Variants in JAKMIP3 observed in about 807,000 individuals in gnomAD.
The protein encoded by JAKMIP3 is Janus kinase and microtubule interacting protein 3.
In JAKMIP3, 58 loss-of-function variants were observed where a neutral mutation model predicts 118.5. That is an observed-to-expected ratio of 0.49 (90% CI 0.40 to 0.61). The LOEUF is 0.61. Ranked by LOEUF, JAKMIP3 falls within the 20% of genes least tolerant of loss-of-function variation. JAKMIP3 has a pLI of 0.00. For missense variants in JAKMIP3, 950 were observed against 1,109.0 expected, an observed-to-expected ratio of 0.86 and a Z score of 2.04; for synonymous variants, 486 against 451.2, an observed-to-expected ratio of 1.08 and a Z score of -0.98.
intron 19 of JAKMIP3, among the ~76,000 whole-genome samples, chr10:132,157,225 G>C (rs10159650): frequency 6.6e-6 from 1 of 152,094 alleles, no homozygotes; most frequent in African/African-American, 2.4e-5. Flanking sequence ...TCTGAAGTGC[G>C]GGGTGTAACC....
At chr10:132,163,923 G>A (rs1460681297) in intron 20 of JAKMIP3, among the ~76,000 whole-genome samples, 1 of 152,228 alleles carries the variant, frequency 6.6e-6, no homozygotes, top group Non-Finnish European at 1.5e-5. Flanking sequence ...CAGGCCTGTT[G>A]GGTCAGTTCT....
chr10:132,180,314 G>T (rs1046744314), intron 23 of JAKMIP3, among the ~76,000 whole-genome samples: 2 of 151,140 alleles, frequency 1.3e-5, no homozygotes, highest in Non-Finnish European at 2.9e-5. Flanking sequence ...GAGCCACAGA[G>T]ACCAAGGCCA....
At chr10:132,097,552 G>T (rs995393112) in intron 1 of JAKMIP3, among the ~76,000 whole-genome samples, 6 of 152,130 alleles carry the variant, frequency 3.9e-5, no homozygotes, top group Non-Finnish European at 7.3e-5. Context: ...GAGGGGGCAG[G>T]GTAGGAGGGA....
intron 2 of JAKMIP3, among the ~76,000 whole-genome samples, chr10:132,116,298 A>G (rs957079619): frequency 1.3e-5 from 2 of 152,224 alleles, no homozygotes; most frequent in Non-Finnish European, 2.9e-5. Flanking sequence ...TTTCAAAAAA[A>G]TCTTCCCCAA....
chr10:132,155,055 G>T (rs918668659), intron 19 of JAKMIP3, among the ~76,000 whole-genome samples: 1 of 120,508 alleles, frequency 8.3e-6, no homozygotes, highest in African/African-American at 2.6e-5. Context: ...TGATGACATG[G>T]TGGTAGTAGT....
At chr10:132,103,556 G>A (rs544101647) in intron 1 of JAKMIP3, among the ~76,000 whole-genome samples, 1 of 151,934 alleles carries the variant, frequency 6.6e-6, no homozygotes, top group South Asian at 2.1e-4. Context: ...GAGGTGCCTG[G>A]CAGCACAGAA....
At chr10:132,091,964 C>A (rs1273567893) in intron 1 of JAKMIP3, among the ~76,000 whole-genome samples, 1 of 152,116 alleles carries the variant, frequency 6.6e-6, no homozygotes, top group Non-Finnish European at 1.5e-5. Flanking sequence ...TAGGGCAGGC[C>A]TGGTGGTGAC....
At chr10:132,143,196 A>AT (rs147736300) in intron 11 of JAKMIP3, among the ~76,000 whole-genome samples, 3,364 of 151,430 alleles carry the variant, frequency 0.022, 129 homozygotes, top group African/African-American at 0.077. Flanking sequence ...GCTCGGAGAG[A>AT]TTTGTCTCCG....
intron 8 of JAKMIP3, among the ~76,000 whole-genome samples, chr10:132,137,894 A>G (rs78296268): frequency 6.6e-6 from 1 of 152,170 alleles, no homozygotes; most frequent in Non-Finnish European, 1.5e-5. Flanking sequence ...GAGCAAGACA[A>G]GCTCAGAGCC....
rs913059858 is a variant in JAKMIP3, at chr10:132,154,061, C to G, written c.2220+71C>G. On this transcript the variant is annotated intron_variant, in intron 19 of 23. Coordinates refer to ENST00000684848, the MANE Select transcript of JAKMIP3 (RefSeq NM_001323087.2). ...TGAAACGGCCACGTGGCTCAGGTGC[C>G]CAGCAGTGCCTCAGGTGCCCATGTG... The G allele has an allele frequency of 2.4e-5, 34 of 1,403,026 alleles. No individual in the cohort carries two copies. The East Asian group carries it at 7.3e-4, about 30-fold the overall frequency. The allele number at this position is 1,403,026 out of a possible 1,614,324, so 86.9% of individuals were successfully genotyped here.
Position 132,145,156 on chromosome 10 carries a change from A to G in JAKMIP3, c.1652A>G (p.Glu551Gly), listed in dbSNP as rs750436324. 1.9e-5 allele frequency: 31 copies of G among 1,612,178 alleles called. No homozygotes were observed. Among genetic ancestry groups the G allele is most frequent in the Non-Finnish European group, 1.9e-5 (23 of 1,179,682 alleles). Residue 551 changes from glutamate (E) to glycine (G), a missense_variant, in exon 12 of 24, where the codon GAG becomes GGG. Transcript: ENST00000684848. ...AEVQRAQARI[E>G]DLEKALAEQG... ...GTGCAGAGGGCACAGGCGCGGATAG[A>G]GGACCTGGAGAAGGCCCTGGCGGAG...
chr10:132,142,922 G>T (rs1190653255), intron 11 of JAKMIP3, among the ~76,000 whole-genome samples: 1 of 152,028 alleles, frequency 6.6e-6, no homozygotes, highest in African/African-American at 2.4e-5. Context: ...AGCTGGGTGG[G>T]GGACGGACCT....
At chr10:132,170,170 C>T (rs2059345766) in intron 23 of JAKMIP3, 1 of 152,208 alleles carries the variant, frequency 6.6e-6, no homozygotes, top group Admixed American at 6.5e-5. Context: ...TGCCGAGTCC[C>T]CAGAGACTTC....
intron 3 of JAKMIP3, among the ~76,000 whole-genome samples, chr10:132,130,399 C>A (rs1367699940): frequency 6.6e-6 from 1 of 152,234 alleles, no homozygotes; most frequent in African/African-American, 2.4e-5. Flanking sequence ...GGAGCAGCAG[C>A]CTTTTCTGTC....
At chr10:132,059,804 T>C (rs4880231), upstream of JAKMIP3, among the ~76,000 whole-genome samples, 117,700 of 152,262 alleles carry the variant, frequency 0.77, 45,918 homozygotes, top group East Asian at 1. Flanking sequence ...CTTGCTAATT[T>C]GCAGGTGTTC....
chr10:132,091,033 T>G (rs1200200550), intron 1 of JAKMIP3, among the ~76,000 whole-genome samples: 1 of 152,244 alleles, frequency 6.6e-6, no homozygotes, highest in Non-Finnish European at 1.5e-5. Context: ...GATTTTGTTA[T>G]GTACCCAGTA....
chr10:132,110,378 C>A (rs1056739176), intron 2 of JAKMIP3, among the ~76,000 whole-genome samples: 4 of 152,258 alleles, frequency 2.6e-5, no homozygotes, highest in African/African-American at 9.6e-5. Flanking sequence ...GTGGGGCCCA[C>A]GATAGATGGG....
At chr10:132,061,482 A>G (rs1018657993), upstream of JAKMIP3, among the ~76,000 whole-genome samples, 1 of 152,276 alleles carries the variant, frequency 6.6e-6, no homozygotes, top group Non-Finnish European at 1.5e-5. Flanking sequence ...CTATAAACTC[A>G]TTATAATTCC....
intron 2 of JAKMIP3, among the ~76,000 whole-genome samples, chr10:132,109,984 C>T (rs1003208726): frequency 2.6e-5 from 4 of 152,228 alleles, no homozygotes; most frequent in African/African-American, 9.6e-5. Flanking sequence ...ATCGTCATTA[C>T]AACCCCAGGA....
Sources: allele counts gnomAD v4.1 joint callset (sites outside exome capture counted in the v4.1 genomes callset), GRCh38; gene constraint gnomAD v4.1.1; transcripts MANE v1.5; gene names NCBI Gene and HGNC (gene_info 2026-07-23, HGNC 2026-07-21).